The following CREBBP variants were observed in gnomAD, a reference collection of about 807,000 sequenced individuals.
CREBBP encodes CREB binding lysine acetyltransferase, also known as CREB-binding protein.
A neutral mutation model predicts 265.0 loss-of-function variants in CREBBP; 19 were observed. The ratio of observed to expected loss-of-function variants is 0.07; its 90% CI spans 0.05 to 0.11. The LOEUF (loss-of-function observed/expected upper bound fraction) is 0.11. Ranked by LOEUF, CREBBP falls within the 10% of genes least tolerant of loss-of-function variation. The pLI is 1.00. For synonymous variants in CREBBP, 1,457 were observed against 1,223.7 expected, an observed-to-expected ratio of 1.19 and a Z score of -3.98; for missense variants, 2,525 against 3,219.0, an observed-to-expected ratio of 0.78 and a Z score of 5.22.
chr16:3,760,980 G>A (rs2052703861), intron 16 of CREBBP, among the ~76,000 whole-genome samples: 1 of 152,042 alleles, frequency 6.6e-6, no homozygotes, highest in South Asian at 2.1e-4. Flanking sequence ...TTGAGACGGA[G>A]TTTCACTCTT....
intron 3 of CREBBP, among the ~76,000 whole-genome samples, chr16:3,798,169 C>G (rs2053643786): frequency 6.6e-6 from 1 of 152,210 alleles, no homozygotes; most frequent in Non-Finnish European, 1.5e-5. Context: ...ACCTCCCACT[C>G]AAAAATGAAC....
At chr16:3,768,148 T>TG (rs2052908657) in intron 15 of CREBBP, among the ~76,000 whole-genome samples, 7 of 110,942 alleles carry the variant, frequency 6.3e-5, no homozygotes, top group Non-Finnish European at 7.2e-5. Flanking sequence ...TTTTTTTTTT[T>TG]TTTTTTTTTT....
intron 2 of CREBBP, among the ~76,000 whole-genome samples, chr16:3,831,826 T>C (rs566344501): frequency 6.6e-6 from 1 of 151,876 alleles, no homozygotes; most frequent in South Asian, 2.1e-4. Flanking sequence ...GCAAAACCCC[T>C]CCTCTACTAA....
Position 3,754,185 on chromosome 16 carries a change from GC to G in CREBBP, c.3699-2380del, listed in dbSNP as rs1282707350. Among the ~76,000 whole-genome samples the G allele has an allele frequency of 3.8e-4, 58 of 152,194 alleles. 1 individual carries two copies. The highest frequency in any genetic ancestry group is 3.8e-3 in the Admixed American group (58 of 15,284). Reference sequence around the variant, plus strand: ...AACTGCTGGAGAAATGGACAATTTAGCCTGTTCGTGTTTAAGAAGGGGAGGA... The same window carrying G: ...AACTGCTGGAGAAATGGACAATTTAGCTGTTCGTGTTTAAGAAGGGGAGGA... On this transcript the variant is annotated intron_variant, in intron 19 of 30. Transcript: ENST00000262367.
At chr16:3,861,043 G>C (rs956874362) in intron 1 of CREBBP, among the ~76,000 whole-genome samples, 12 of 152,112 alleles carry the variant, frequency 7.9e-5, no homozygotes, top group African/African-American at 2.9e-4. Flanking sequence ...GAGGCAGACA[G>C]GTGGGTCACC....
intron 1 of CREBBP, among the ~76,000 whole-genome samples, chr16:3,851,246 C>T (rs2054828355): frequency 6.9e-6 from 1 of 144,228 alleles, no homozygotes; most frequent in African/African-American, 2.6e-5. Flanking sequence ...CAAGATCACG[C>T]CATTGCACTC....
intron 19 of CREBBP, 96 bp downstream of exon 19, chr16:3,757,192 T>A: frequency 8.8e-7 from 1 of 1,133,192 alleles, no homozygotes; most frequent in Non-Finnish European, 1.3e-6. Context: ...GGCCACTTTT[T>A]ATTGGAACTT....
At position 3,769,279 on chromosome 16, in the gene CREBBP, G is replaced by C. The variant is rs2141191689; in HGVS notation, c.2955C>G (p.Ser985=). ...CAGGTACGTCAGGTCCTGGCTGCTG[G>C]GAATTGGTTTCTGCGCTGGCCACCG... ...PSSVASAETN[S]QQPGPDVPVL... The change falls in exon 15 of 31, where the codon TCC becomes TCG. Residue 985 remains serine (S), a synonymous_variant. Transcript: ENST00000262367. 1 of 1,614,124 alleles carries C rather than the reference G, an allele frequency of 6.2e-7. No individual in the cohort carries two copies. The highest frequency in any genetic ancestry group is 1.3e-5 in the African/African-American group (1 of 75,004).
chr16:3,793,628 T>A lies in CREBBP; in HGVS notation c.976-2A>T. On this transcript the variant is annotated splice_acceptor_variant, in intron 3 of 30. Coordinates refer to ENST00000262367, the MANE Select transcript of CREBBP (RefSeq NM_004380.3). LOFTEE classifies it high-confidence loss of function. Reference sequence around the variant, plus strand: ...TCCCACTGATGTTTGCATCTGAGACTAAAATAAAGCAAAATAATAAAAATA... The same window carrying A: ...TCCCACTGATGTTTGCATCTGAGACAAAAATAAAGCAAAATAATAAAAATA... 2 of 1,612,592 alleles carry A rather than the reference T, an allele frequency of 1.2e-6. No individual in the cohort carries two copies. Among genetic ancestry groups the A allele is most frequent in the Non-Finnish European group, 1.7e-6 (2 of 1,179,912 alleles).
intron 1 of CREBBP, among the ~76,000 whole-genome samples, chr16:3,875,131 A>G (rs1181645794): frequency 6.6e-6 from 1 of 152,196 alleles, no homozygotes; most frequent in Non-Finnish European, 1.5e-5. Context: ...TTCCAACTGC[A>G]GGACTCAGTC....
rs773148724 is a variant in CREBBP, at chr16:3,850,767, C to T, written c.328G>A (p.Ala110Thr). ...GGQAQGQPNS[A>T]NMASLSAMGK... ...ATGGCACTGAGGCTGGCCATGTTAGCACTGTTCGGCTGCCCTTGAGCCTGG... is the reference window on the plus strand; with the variant it reads ...ATGGCACTGAGGCTGGCCATGTTAGTACTGTTCGGCTGCCCTTGAGCCTGG... The change falls in exon 2 of 31, where the codon GCT (alanine) becomes ACT (threonine). Residue 110 changes from alanine (A) to threonine (T), a missense_variant. Transcript: ENST00000262367. 1 of 1,614,102 alleles carries T rather than the reference C, an allele frequency of 6.2e-7. No homozygotes were observed. Among genetic ancestry groups the T allele is most frequent in the Non-Finnish European group, 8.5e-7 (1 of 1,180,044 alleles).
chr16:3,862,462 T>C (rs746248812), intron 1 of CREBBP, among the ~76,000 whole-genome samples: 1 of 152,206 alleles, frequency 6.6e-6, no homozygotes, highest in Non-Finnish European at 1.5e-5. Flanking sequence ...GTTATTAAAT[T>C]TGGGTTTAAT....
In CREBBP at chr16:3,778,689, C is replaced by T. The variant is rs1370296034; in HGVS notation, c.1941+11G>A. 1.2e-6 allele frequency: 2 copies of T among 1,602,372 alleles called. No individual in the cohort carries two copies. Among genetic ancestry groups the T allele is most frequent in the South Asian group, 1.1e-5 (1 of 90,852 alleles). ...GCTGTAGAGGCCAGAGCACGGTAAA[C>T]AGCAACCTACCCTGCTGTTGGCAGA... is the stretch of plus-strand genomic sequence containing the variant. On this transcript the variant is annotated intron_variant, in intron 9 of 30. Coordinates refer to ENST00000262367, the MANE Select transcript of CREBBP (RefSeq NM_004380.3).
Position 3,738,589 on chromosome 16 carries a change from A to G in CREBBP, c.4364T>C (p.Ile1455Thr). The G allele has an allele frequency of 1.2e-6, 2 of 1,612,654 alleles. No individual in the cohort carries two copies. Among genetic ancestry groups the G allele is most frequent in the African/African-American group, 1.3e-5 (1 of 75,036 alleles). ...TTTCTTCACATACTCTAAATATCCA[A>G]TAAGGATCTCATGGTAAACGGCTGT... ...LRTAVYHEILIGYLEYVKKLG... is the reference protein window; with the variant it reads ...LRTAVYHEILTGYLEYVKKLG... Residue 1455 changes from isoleucine (I) to threonine (T), a missense_variant, in exon 26 of 31, where the codon ATT (isoleucine) becomes ACT (threonine). Ile to Thr is a moderately conservative substitution (Grantham distance 89). Transcript: ENST00000262367.
At chr16:3,768,490 CAT>C (rs2052919832) in intron 15 of CREBBP, among the ~76,000 whole-genome samples, 1 of 152,126 alleles carries the variant, frequency 6.6e-6, no homozygotes, top group Non-Finnish European at 1.5e-5. Flanking sequence ...AAAAATTGCA[CAT>C]ACTCAGATTT....
Position 3,880,006 on chromosome 16 carries a change from G to C in CREBBP, c.-90C>G, listed in dbSNP as rs768106256. On this transcript the variant is annotated 5_prime_UTR_variant, in exon 1 of 31. Coordinates refer to ENST00000262367, the MANE Select transcript of CREBBP (RefSeq NM_004380.3). The stretch of plus-strand genomic sequence containing the variant: ...GTCGGGGGCCCTGCCGGCTGCGAGG[G>C]AGAGGAGCGAGCGCGGGCCGCGAGC... The C allele has an allele frequency of 1.7e-6, 2 of 1,179,354 alleles. No homozygotes were observed. The highest frequency in any genetic ancestry group is 1.6e-5 in the African/African-American group (1 of 61,194). 73.1% of individuals were successfully genotyped at this position (1,179,354 alleles called of 1,614,324 possible).
chr16:3,871,193 TCTCACTCACACACA>T (rs751197174), intron 1 of CREBBP, among the ~76,000 whole-genome samples: 13 of 142,602 alleles, frequency 9.1e-5, no homozygotes, highest in Admixed American at 2.8e-4. Flanking sequence ...TCTCTCTCTC[TCTCACTCACACACA>T]CACACACACA....
In CREBBP at chr16:3,726,242, G is replaced by C. The variant is rs547057736; in HGVS notation, c.*1476C>G. 38 of 232,314 alleles carry C rather than the reference G, an allele frequency of 1.6e-4. No individual in the cohort carries two copies. Among genetic ancestry groups the C allele is most frequent in the South Asian group, 5.6e-4 (3 of 5,362 alleles). The allele number at this position is 232,314 out of a possible 1,614,324, so 14.4% of individuals were successfully genotyped here. On this transcript the variant is annotated 3_prime_UTR_variant, in exon 31 of 31. Transcript: ENST00000262367. ...CTCAGATTCTGGGAGTCGTGTACGG[G>C]GGGGGGGAGCCGCCTGAACACGGGA...
In CREBBP at chr16:3,732,856, C is replaced by T. The variant is rs556199522; in HGVS notation, c.4729-919G>A. 8.5e-5 allele frequency among the ~76,000 whole-genome samples: 13 copies of T among 152,184 alleles called. No homozygotes were observed. In the East Asian group the frequency reaches 2.0e-3, roughly 23 times the overall value. Reference sequence around the variant, plus strand: ...GCTGAGATTATAGGTGCTGCCACCACACCCAGCTAATTTTTGTATTTTTAG... The same window carrying T: ...GCTGAGATTATAGGTGCTGCCACCATACCCAGCTAATTTTTGTATTTTTAG... On this transcript the variant is annotated intron_variant, in intron 28 of 30. Transcript: ENST00000262367.
Sources: gnomAD v4.1 joint callset for allele counts (sites outside exome capture counted in the v4.1 genomes callset) on GRCh38, gnomAD v4.1.1 for gene constraint, MANE v1.5 for transcripts, NCBI Gene and HGNC (gene_info 2026-07-23, HGNC 2026-07-21) for gene names.